UBXN7: variants seen among roughly 807,000 people sequenced by gnomAD.
The protein encoded by UBXN7 is UBX domain protein 7.
Under a neutral mutation model 58.0 loss-of-function variants are expected in UBXN7, and 9 were observed. That is an observed-to-expected ratio of 0.16 (90% CI 0.09 to 0.27). The LOEUF is 0.27. Among genes scored for constraint, UBXN7 ranks in the 10% least tolerant of loss-of-function variants. The pLI is 1.00. For synonymous variants in UBXN7, 208 were observed against 205.0 expected (o/e 1.01, Z -0.12); for missense variants, 328 against 599.6 (o/e 0.55, Z 4.73).
At chr3:196,407,780 C>T (rs1730206680) in intron 1 of UBXN7, among the ~76,000 whole-genome samples, 1 of 152,098 alleles carries the variant, frequency 6.6e-6, no homozygotes, top group Non-Finnish European at 1.5e-5. Context: ...GAATACATTT[C>T]AGTTAGCATT....
chr3:196,421,203 T>A (rs1356333527), intron 1 of UBXN7, among the ~76,000 whole-genome samples: 1 of 152,186 alleles, frequency 6.6e-6, no homozygotes, highest in African/African-American at 2.4e-5. Flanking sequence ...CAAACATTCA[T>A]TAGTTCACAA....
chr3:196,366,756 A>AT (rs1728678216), intron 8 of UBXN7, among the ~76,000 whole-genome samples: 1 of 151,842 alleles, frequency 6.6e-6, no homozygotes, highest in African/African-American at 2.4e-5. Flanking sequence ...TGGCATGGTG[A>AT]TGCACATCTG....
Position 196,362,414 on chromosome 3 carries a change from G to A in UBXN7, c.1108C>T (p.Pro370Ser). ...EENRRPLTEP[P>S]VRTDPGTATN... ...GCTGTTCCAGGATCAGTTCTGACTGGTGGCTCAGTCAGCGGCCTTCTATTC... is the reference window on the plus strand; with the variant it reads ...GCTGTTCCAGGATCAGTTCTGACTGATGGCTCAGTCAGCGGCCTTCTATTC... The change falls in exon 9 of 11, where the codon CCA becomes TCA. Residue 370 changes from proline to serine, a missense_variant. Transcript: ENST00000296328. 1 of 1,614,160 alleles carries A rather than the reference G, an allele frequency of 6.2e-7. No individual in the cohort carries two copies. The highest frequency in any genetic ancestry group is 8.5e-7 in the Non-Finnish European group (1 of 1,180,034).
chr3:196,364,588 G>GT (rs1468211424), intron 8 of UBXN7, among the ~76,000 whole-genome samples: 3 of 149,690 alleles, frequency 2.0e-5, no homozygotes, highest in East Asian at 3.9e-4. Flanking sequence ...TAATAAATAG[G>GT]TAAAAAAAAA....
rs1356621841 is a variant in UBXN7, at chr3:196,354,738, A to G, written c.*1947T>C. The G allele has an allele frequency of 6.6e-6, 1 of 152,218 alleles. No homozygotes were observed. Among genetic ancestry groups the G allele is most frequent in the Non-Finnish European group, 1.5e-5 (1 of 68,034 alleles). 9.4% of individuals were successfully genotyped at this position (152,218 alleles called of 1,614,324 possible). A position where few individuals can be genotyped will look rare whatever the true frequency, so the allele number is the denominator to read the frequency against. ...TCAATAAATCAGAAGCTGCTAGTTAAGTAAGCCTCAAGAACCTAAGAAAAA... is the reference window on the plus strand; with the variant it reads ...TCAATAAATCAGAAGCTGCTAGTTAGGTAAGCCTCAAGAACCTAAGAAAAA... On this transcript the variant is annotated 3_prime_UTR_variant, in exon 11 of 11. Transcript: ENST00000296328.
chr3:196,427,450 T>C (rs1417441967), intron 1 of UBXN7, among the ~76,000 whole-genome samples: 1 of 152,094 alleles, frequency 6.6e-6, no homozygotes, highest in Non-Finnish European at 1.5e-5. Context: ...CCTGGGTAGC[T>C]GGGACTACAG....
rs1245277488 is a variant in UBXN7, at chr3:196,354,364, C to CA, written c.*2320dup. 6.6e-6 allele frequency: 1 copy of CA among 152,182 alleles called. No individual in the cohort carries two copies. The highest frequency in any genetic ancestry group is 2.4e-5 in the African/African-American group (1 of 41,440). 9.4% of individuals were successfully genotyped at this position (152,182 alleles called of 1,614,324 possible). A position where few individuals can be genotyped will look rare whatever the true frequency, so the allele number is the denominator to read the frequency against. On this transcript the variant is annotated 3_prime_UTR_variant, in exon 11 of 11. Coordinates refer to ENST00000296328, the MANE Select transcript of UBXN7 (RefSeq NM_015562.2). ...AGAACCACACCCTCTCACTGATGAA[C>CA]ACGTTGGCAGTTCTCCCAACTGTTT... is the stretch of plus-strand genomic sequence containing the variant.
intron 1 of UBXN7, among the ~76,000 whole-genome samples, chr3:196,417,721 G>A (rs1347336746): frequency 4.9e-5 from 1 of 20,270 alleles, no homozygotes; most frequent in Non-Finnish European, 8.4e-5. Flanking sequence ...TGGGCAAAAT[G>A]GTTAAAAAAA....
At chr3:196,426,771 C>A (rs1290943345) in intron 1 of UBXN7, among the ~76,000 whole-genome samples, 1 of 151,916 alleles carries the variant, frequency 6.6e-6, no homozygotes, top group Non-Finnish European at 1.5e-5. Flanking sequence ...TCGCTTGAAC[C>A]CGGGAGGTGG....
At chr3:196,428,353 C>T (rs1577484214) in intron 1 of UBXN7, among the ~76,000 whole-genome samples, 1 of 151,382 alleles carries the variant, frequency 6.6e-6, no homozygotes, top group East Asian at 2.0e-4. Context: ...GCTCTGGAGG[C>T]TGAGGCAGGA....
intron 3 of UBXN7, among the ~76,000 whole-genome samples, chr3:196,398,101 T>G (rs1445428311): frequency 1.3e-5 from 2 of 152,204 alleles, no homozygotes; most frequent in African/African-American, 2.4e-5. Context: ...GCTTCCGTTT[T>G]GGGCTGCCCT....
intron 3 of UBXN7, among the ~76,000 whole-genome samples, chr3:196,396,794 CTTAGAA>C (rs1729789905): frequency 6.6e-6 from 1 of 151,934 alleles, no homozygotes; most frequent in Non-Finnish European, 1.5e-5. Flanking sequence ...CCAAGGATGT[CTTAGAA>C]TAAGAATAGC....
chr3:196,348,250 T>G lies in UBXN7; in HGVS notation c.*8435A>C, dbSNP rs1016035281. The G allele has an allele frequency of 6.6e-5, 10 of 151,856 alleles. No homozygotes were observed. Among genetic ancestry groups the G allele is most frequent in the African/African-American group, 2.4e-4 (10 of 41,328 alleles). 9.4% of individuals were successfully genotyped at this position (151,856 alleles called of 1,614,324 possible). A position where few individuals can be genotyped will look rare whatever the true frequency, so the allele number is the denominator to read the frequency against. On this transcript the variant is annotated 3_prime_UTR_variant, in exon 11 of 11. Coordinates refer to ENST00000296328, the MANE Select transcript of UBXN7 (RefSeq NM_015562.2). ...TCTAATGTGTCTTGAACAAAAAAAT[T>G]TAGTGGATGGTCCAGCTGCCCCTTG...
rs1315561796 is a variant in UBXN7, at chr3:196,387,467, A to G, written c.468+4346T>C. 8.5e-5 allele frequency among the ~76,000 whole-genome samples: 13 copies of G among 152,340 alleles called. No individual in the cohort carries two copies. The East Asian group carries it at 2.3e-3, about 27-fold the overall frequency. ...TCTAATTAAACTAAAGAGCTTCTGC[A>G]TGGCAAAAGAAACTACCATTAGAGT... On this transcript the variant is annotated intron_variant, in intron 5 of 10. Transcript: ENST00000296328.
At chr3:196,423,005 A>C (rs1730735045) in intron 1 of UBXN7, among the ~76,000 whole-genome samples, 1 of 152,262 alleles carries the variant, frequency 6.6e-6, no homozygotes, top group Admixed American at 6.5e-5. Context: ...TCAAAAGGTT[A>C]CATATTGTGA....
chr3:196,376,465 G>T (rs182109498), intron 5 of UBXN7, among the ~76,000 whole-genome samples: 6 of 140,026 alleles, frequency 4.3e-5, no homozygotes, highest in Non-Finnish European at 4.5e-5. Context: ...AGAATCGCTT[G>T]AACCCAGGAG....
intron 1 of UBXN7, among the ~76,000 whole-genome samples, chr3:196,413,997 A>G (rs1730408854): frequency 6.6e-6 from 1 of 152,094 alleles, no homozygotes. Context: ...GAGATGGAAC[A>G]ATGTTTTCTT....
At chr3:196,432,195 T>A (rs1251516441) in intron 1 of UBXN7, 132 bp downstream of exon 1, 1 of 1,315,640 alleles carries the variant, frequency 7.6e-7, no homozygotes, top group East Asian at 2.5e-5. Flanking sequence ...CGTCGCCTCT[T>A]CCTCAGGAGG....
intron 5 of UBXN7, among the ~76,000 whole-genome samples, chr3:196,386,849 T>C (rs971010919): frequency 2.0e-5 from 3 of 152,110 alleles, no homozygotes; most frequent in Non-Finnish European, 4.4e-5. Context: ...TTCACAGAAC[T>C]GGAAAAAACT....
Sources: gnomAD v4.1 joint callset for allele counts (sites outside exome capture counted in the v4.1 genomes callset) on GRCh38, gnomAD v4.1.1 for gene constraint, MANE v1.5 for transcripts, NCBI Gene and HGNC (gene_info 2026-07-23, HGNC 2026-07-21) for gene names.